The following PARN variants were observed in gnomAD, a reference collection of about 807,000 sequenced individuals.
The protein encoded by PARN is poly(A)-specific ribonuclease PARN.
In PARN, 71 loss-of-function variants were observed where a neutral mutation model predicts 102.8. That is an observed-to-expected ratio of 0.69 (90% CI 0.57 to 0.84). The LOEUF is 0.84. PARN is among the 40% of genes least tolerant of loss of function. PARN has a pLI of 0.00. For missense variants in PARN, 782 were observed against 760.9 expected (o/e 1.03, Z -0.33); for synonymous variants, 261 against 252.9 (o/e 1.03, Z -0.30).
chr16:14,483,143 T>C (rs1335532065), intron 21 of PARN, among the ~76,000 whole-genome samples: 1 of 152,262 alleles, frequency 6.6e-6, no homozygotes, highest in African/African-American at 2.4e-5. Context: ...CCAACATTAC[T>C]ATTTGGATAT....
intron 21 of PARN, among the ~76,000 whole-genome samples, chr16:14,542,098 G>A (rs1334594673): frequency 2.0e-5 from 3 of 151,856 alleles, no homozygotes; most frequent in African/African-American, 7.3e-5. Flanking sequence ...TTGACCTCCT[G>A]AGCTCAGGGG....
At chr16:14,519,516 C>T (rs1965631075) in intron 21 of PARN, among the ~76,000 whole-genome samples, 1 of 152,038 alleles carries the variant, frequency 6.6e-6, no homozygotes. Flanking sequence ...GATTCCAGGT[C>T]TGGGGAAGTG....
chr16:14,518,820 AT>A (rs113113272), intron 21 of PARN, among the ~76,000 whole-genome samples: 19 of 152,314 alleles, frequency 1.2e-4, no homozygotes, highest in Admixed American at 4.6e-4. Context: ...GAACAGTTAT[AT>A]TTTTAAAAGT....
chr16:14,491,287 C>T (rs979186850), intron 21 of PARN, among the ~76,000 whole-genome samples: 1 of 150,874 alleles, frequency 6.6e-6, no homozygotes, highest in Non-Finnish European at 1.5e-5. Context: ...GCAAGTTTGC[C>T]TCAATAATAA....
chr16:14,510,839 T>TA (rs1417671945), intron 21 of PARN, among the ~76,000 whole-genome samples: 1 of 152,190 alleles, frequency 6.6e-6, no homozygotes, highest in Admixed American at 6.5e-5. Flanking sequence ...ACTCTTCTGT[T>TA]ACGCTAAACC....
At chr16:14,553,029 A>G (rs975241889) in intron 20 of PARN, among the ~76,000 whole-genome samples, 1 of 152,110 alleles carries the variant, frequency 6.6e-6, no homozygotes, top group African/African-American at 2.4e-5. Context: ...CTTATTTTAA[A>G]TATTTACATG....
chr16:14,466,216 T>C (rs962475525), intron 22 of PARN, among the ~76,000 whole-genome samples: 39 of 152,140 alleles, frequency 2.6e-4, no homozygotes, highest in South Asian at 2.1e-4. Context: ...AAAGAAAGAA[T>C]TGAAAGTGGT....
At chr16:14,622,187 C>T (rs1036536643) in intron 5 of PARN, among the ~76,000 whole-genome samples, 2 of 151,676 alleles carry the variant, frequency 1.3e-5, no homozygotes, top group African/African-American at 2.4e-5. Flanking sequence ...AGTGAGACTC[C>T]GTCTCAAAAA....
intron 22 of PARN, among the ~76,000 whole-genome samples, chr16:14,473,620 C>T (rs1962874327): frequency 6.6e-6 from 1 of 152,164 alleles, no homozygotes; most frequent in Non-Finnish European, 1.5e-5. Flanking sequence ...GCAGTTAGAG[C>T]AGAACGGAGG....
chr16:14,495,851 T>C (rs1964287159), intron 21 of PARN, among the ~76,000 whole-genome samples: 1 of 151,996 alleles, frequency 6.6e-6, no homozygotes, highest in African/African-American at 2.4e-5. Flanking sequence ...GCGGACAGCT[T>C]TGTGAATCTG....
At chr16:14,587,632 C>G (rs1336357622) in intron 13 of PARN, among the ~76,000 whole-genome samples, 2 of 152,168 alleles carry the variant, frequency 1.3e-5, no homozygotes, top group Admixed American at 6.6e-5. Flanking sequence ...CCACACCCAG[C>G]CTTCTAATTT....
chr16:14,615,762 G>A (rs749048944), intron 6 of PARN, among the ~76,000 whole-genome samples: 11 of 152,024 alleles, frequency 7.2e-5, no homozygotes, highest in South Asian at 2.1e-4. Flanking sequence ...TTAGGTGTGC[G>A]TGGTGGCATG....
chr16:14,512,358 C>G (rs1234332491), intron 21 of PARN, among the ~76,000 whole-genome samples: 1 of 152,148 alleles, frequency 6.6e-6, no homozygotes, highest in African/African-American at 2.4e-5. Context: ...AAAAAATTAG[C>G]TGGGTGTGGT....
intron 18 of PARN, among the ~76,000 whole-genome samples, chr16:14,579,900 C>T (rs1326119234): frequency 6.6e-6 from 1 of 151,628 alleles, no homozygotes; most frequent in African/African-American, 2.4e-5. Flanking sequence ...TGCTTGAACC[C>T]AGGAGGCAGA....
intron 22 of PARN, among the ~76,000 whole-genome samples, chr16:14,467,490 T>C (rs1466656468): frequency 2.0e-5 from 3 of 152,230 alleles, no homozygotes; most frequent in Non-Finnish European, 2.9e-5. Context: ...GATGAACCAA[T>C]GTACCACATG....
chr16:14,448,414 T>C (rs1001998413), intron 22 of PARN, among the ~76,000 whole-genome samples: 1 of 152,192 alleles, frequency 6.6e-6, no homozygotes, highest in Non-Finnish European at 1.5e-5. Flanking sequence ...CCCAAAGTGC[T>C]GGGATTACAG....
At chr16:14,624,842 G>A (rs1343771625) in intron 5 of PARN, among the ~76,000 whole-genome samples, 1 of 151,696 alleles carries the variant, frequency 6.6e-6, no homozygotes, top group African/African-American at 2.4e-5. Context: ...ACCTGAGGTC[G>A]GGATTTCAAG....
At chr16:14,596,071 G>T (rs1970487178) in intron 12 of PARN, among the ~76,000 whole-genome samples, 1 of 152,136 alleles carries the variant, frequency 6.6e-6, no homozygotes, top group African/African-American at 2.4e-5. Flanking sequence ...TCTTAGTTCT[G>T]TCCAGTGAGA....
At chr16:14,463,841 G>T (rs916256332) in intron 22 of PARN, among the ~76,000 whole-genome samples, 2 of 142,624 alleles carry the variant, frequency 1.4e-5, no homozygotes, top group East Asian at 2.0e-4. Context: ...TTTTTTTTGG[G>T]GGGGGGGGGA....
Sources: gnomAD v4.1 joint callset for allele counts (sites outside exome capture counted in the v4.1 genomes callset) on GRCh38, gnomAD v4.1.1 for gene constraint, MANE v1.5 for transcripts, NCBI Gene and HGNC (gene_info 2026-07-23, HGNC 2026-07-21) for gene names.